KL: variants seen among roughly 807,000 people sequenced by gnomAD.
KL encodes the protein alpha-klotho.
A neutral mutation model predicts 84.2 loss-of-function variants in KL; 62 were observed. The observed-to-expected ratio is 0.74, with a 90% CI of 0.60 to 0.91. The LOEUF (loss-of-function observed/expected upper bound fraction) is 0.91. Among genes scored for constraint, KL ranks in the 40% least tolerant of loss-of-function variants. The pLI is 0.00. For missense variants in KL, 1,261 were observed against 1,305.7 expected (o/e 0.97, Z 0.53); for synonymous variants, 528 against 528.0 (o/e 1.00, Z 0.00).
rs572786626 is a variant in KL at position 33,031,919 on chromosome 13, C to CA, written c.819+14660_819+14661insA. On this transcript the variant is annotated intron_variant, in intron 1 of 4. Coordinates refer to ENST00000380099, the MANE Select transcript of KL (RefSeq NM_004795.4). Reference sequence around the variant, plus strand: ...GATAATGCTTGATAATTTCTAGAGTCCTTTTTTTTTGTATTTTGGGGCAGG... The same window carrying CA: ...GATAATGCTTGATAATTTCTAGAGTCACTTTTTTTTTGTATTTTGGGGCAGG... Among the ~76,000 whole-genome samples the CA allele has an allele frequency of 3.9e-4, 59 of 151,574 alleles. No homozygotes were observed. In the South Asian group the frequency reaches 7.1e-3, roughly 18 times the overall value.
chr13:33,016,929 C>T lies in KL; in HGVS notation c.489C>T (p.Gly163=). Reference sequence around the variant, plus strand: ...GAGTGCTCCCCAATGGCAGCGCGGGCGTCCCCAACCGCGAGGGGCTGCGCT... The same window carrying T: ...GAGTGCTCCCCAATGGCAGCGCGGGTGTCCCCAACCGCGAGGGGCTGCGCT... ...WARVLPNGSA[G]VPNREGLRYY... The change falls in exon 1 of 5, where the codon GGC becomes GGT. Residue 163 remains glycine, a synonymous_variant. Transcript: ENST00000380099. 3 of 1,609,570 alleles carry T rather than the reference C, an allele frequency of 1.9e-6. No individual in the cohort carries two copies.
intron 1 of KL, among the ~76,000 whole-genome samples, chr13:33,020,866 T>G (rs978903458): frequency 1.3e-5 from 2 of 152,216 alleles, no homozygotes; most frequent in African/African-American, 4.8e-5. Context: ...ACATTATGTG[T>G]GGACAAGACA....
At chr13:33,045,359 A>G (rs570844603) in intron 1 of KL, among the ~76,000 whole-genome samples, 1 of 152,358 alleles carries the variant, frequency 6.6e-6, no homozygotes, top group African/African-American at 2.4e-5. Flanking sequence ...TCTGGCAAGA[A>G]CTTCTAGTAC....
chr13:33,040,107 A>AT (rs996065099), intron 1 of KL, among the ~76,000 whole-genome samples: 4 of 152,162 alleles, frequency 2.6e-5, no homozygotes, highest in African/African-American at 4.8e-5. Context: ...ACTACTGGCT[A>AT]TTTTTTGTGG....
In KL at chr13:33,019,102, C is replaced by T. The variant is rs915934734; in HGVS notation, c.819+1843C>T. Among the ~76,000 whole-genome samples the T allele has an allele frequency of 5.2e-4, 5 of 9,660 alleles. No homozygotes were observed. In the Non-Finnish European group the frequency reaches 0.042, roughly 81 times the overall value. The allele number at this position is 9,660 out of a possible 152,430, so 6.3% of individuals were successfully genotyped here. The stretch of plus-strand genomic sequence containing the variant: ...TAGGGAAATTAGTAACAGGTGAATG[C>T]TCCATTTGCTGATGTTGCAAACAAA... On this transcript the variant is annotated intron_variant, in intron 1 of 4. Transcript: ENST00000380099.
At chr13:33,041,241 T>C (rs1379143729) in intron 1 of KL, among the ~76,000 whole-genome samples, 2 of 152,000 alleles carry the variant, frequency 1.3e-5, no homozygotes, top group East Asian at 3.9e-4. Context: ...TGATTAAGAG[T>C]CACAAGGAAA....
intron 1 of KL, among the ~76,000 whole-genome samples, chr13:33,033,033 G>A (rs1871029248): frequency 6.6e-6 from 1 of 151,902 alleles, no homozygotes. Flanking sequence ...CCCTCACGAT[G>A]CCCAGCATAA....
At chr13:33,036,751 A>T (rs1871157790) in intron 1 of KL, among the ~76,000 whole-genome samples, 1 of 152,228 alleles carries the variant, frequency 6.6e-6, no homozygotes, top group Non-Finnish European at 1.5e-5. Context: ...ACCCAGTATG[A>T]TAGTTCATAA....
At chr13:33,047,462 C>T (rs1871579339) in intron 1 of KL, among the ~76,000 whole-genome samples, 1 of 151,836 alleles carries the variant, frequency 6.6e-6, no homozygotes, top group Non-Finnish European at 1.5e-5. Context: ...AAGCAATTCT[C>T]CTGTCTCAGC....
Position 33,017,143 on chromosome 13 carries a change from A to G in KL, c.703A>G (p.Ile235Val). The change falls in exon 1 of 5, where the codon ATC (isoleucine) becomes GTC (valine). Residue 235 changes from isoleucine (I) to valine (V), a missense_variant. Physicochemically the swap from Ile to Val is conservative, Grantham distance 29. Transcript: ENST00000380099. ...RHFGGQVKYW[I>V]TIDNPYVVAW... is the part of the protein sequence containing the mutation. ...CTTCGGCGGTCAGGTCAAGTACTGG[A>G]TCACCATCGACAACCCCTACGTGGT... The G allele has an allele frequency of 6.2e-7, 1 of 1,602,560 alleles. No homozygotes were observed. The highest frequency in any genetic ancestry group is 8.5e-7 in the Non-Finnish European group (1 of 1,179,770).
intron 1 of KL, among the ~76,000 whole-genome samples, chr13:33,048,471 A>T (rs1342880852): frequency 6.6e-6 from 1 of 152,136 alleles, no homozygotes; most frequent in African/African-American, 2.4e-5. Flanking sequence ...TTTGGTATTC[A>T]TCTCCCAGAC....
intron 3 of KL, among the ~76,000 whole-genome samples, chr13:33,056,749 T>A (rs1216060508): frequency 6.6e-6 from 1 of 151,722 alleles, no homozygotes; most frequent in Non-Finnish European, 1.5e-5. Flanking sequence ...GAGCTTGCAG[T>A]GAGCCGAGAT....
intron 1 of KL, among the ~76,000 whole-genome samples, chr13:33,048,609 T>A (rs1003298553): frequency 6.6e-6 from 1 of 151,066 alleles, no homozygotes; most frequent in Admixed American, 6.6e-5. Flanking sequence ...CTCCAGTACG[T>A]TGACCTGCTT....
intron 1 of KL, among the ~76,000 whole-genome samples, chr13:33,031,837 T>A (rs73460909): frequency 0.011 from 1,685 of 152,282 alleles, 33 homozygotes; most frequent in African/African-American, 0.036. Flanking sequence ...CTATTTGATT[T>A]TAAACTATAT....
rs1457219901 is a variant in KL at position 33,016,899 on chromosome 13, G to A, written c.459G>A (p.Trp153Ter). 1.2e-6 allele frequency: 2 copies of A among 1,612,166 alleles called. No individual in the cohort carries two copies. Among genetic ancestry groups the A allele is most frequent in the African/African-American group, 2.7e-5 (2 of 74,916 alleles). Reference protein sequence around the residue: ...GVTHYRFSISWARVLPNGSAG... With the variant: ...GVTHYRFSIS Reference sequence around the variant, plus strand: ...CTCACTACCGCTTCTCCATCTCGTGGGCGCGAGTGCTCCCCAATGGCAGCG... The same window carrying A: ...CTCACTACCGCTTCTCCATCTCGTGAGCGCGAGTGCTCCCCAATGGCAGCG... The change falls in exon 1 of 5, where the codon TGG becomes TGA. Residue 153 changes from tryptophan to a stop codon, truncating the protein, a stop_gained. Coordinates refer to ENST00000380099, the MANE Select transcript of KL (RefSeq NM_004795.4). LOFTEE classifies it high-confidence loss of function.
At chr13:33,060,595 T>A in intron 3 of KL, 84 bp from the exon 4 acceptor site, 1 of 1,495,388 alleles carries the variant, frequency 6.7e-7, no homozygotes, top group Non-Finnish European at 9.3e-7. Flanking sequence ...CTCATATTCC[T>A]GGCTAGTTTT....
chr13:33,063,725 C>G, intron 4 of KL, 124 bp from the exon 5 acceptor site: 1 of 869,722 alleles, frequency 1.1e-6, no homozygotes, highest in Non-Finnish European at 1.9e-6. Flanking sequence ...TGCAGTGAGT[C>G]AAGATGGTGC....
At chr13:33,017,299 A>G (rs1364204405) in intron 1 of KL, 40 bp downstream of exon 1, 11 of 1,507,524 alleles carry the variant, frequency 7.3e-6, no homozygotes, top group Non-Finnish European at 8.9e-6. Flanking sequence ...CGCAGGGGAG[A>G]CAGAGGGCCT....
Position 33,061,611 on chromosome 13 carries a change from G to C in KL, c.2532G>C (p.Gln844His), listed in dbSNP as rs149775738. 3.7e-6 allele frequency: 6 copies of C among 1,614,222 alleles called. No individual in the cohort carries two copies. The highest frequency in any genetic ancestry group is 5.1e-6 in the Non-Finnish European group (6 of 1,180,038). The change falls in exon 4 of 5, where the codon CAG becomes CAC. Residue 844 changes from glutamine (Q) to histidine (H), a missense_variant. Transcript: ENST00000380099. ...TDITWLNSPS[Q>H]VAVVPWGLRK... is the part of the protein sequence containing the mutation. Reference sequence around the variant, plus strand: ...TCACGTGGCTCAACTCCCCCAGTCAGGTGGCGGTAGTGCCCTGGGGGTTGC... The same window carrying C: ...TCACGTGGCTCAACTCCCCCAGTCACGTGGCGGTAGTGCCCTGGGGGTTGC...
Sources: gnomAD v4.1 joint callset for allele counts (sites outside exome capture counted in the v4.1 genomes callset) on GRCh38, gnomAD v4.1.1 for gene constraint, MANE v1.5 for transcripts, NCBI Gene and HGNC (gene_info 2026-07-23, HGNC 2026-07-21) for gene names.